The following MALT1 variants were observed in gnomAD, a reference collection of about 807,000 sequenced individuals.
MALT1 encodes MALT1 paracaspase, also known as mucosa-associated lymphoid tissue lymphoma translocation protein 1.
Under a neutral mutation model 85.5 loss-of-function variants are expected in MALT1, and 36 were observed. That is an observed-to-expected ratio of 0.42 (90% CI 0.32 to 0.56). The LOEUF is 0.56. MALT1 is among the 20% of genes least tolerant of loss of function. The probability of loss-of-function intolerance (pLI) is 0.10; values close to 1 mark genes in which losing one functional copy is unlikely to be tolerated. For missense variants in MALT1, 716 were observed against 981.6 expected (o/e 0.73, Z 3.62); for synonymous variants, 359 against 361.3 (o/e 0.99, Z 0.07).
chr18:58,742,579 GTGCCTGTAATCCCAAC>G (rs2055316021), intron 14 of MALT1, among the ~76,000 whole-genome samples: 1 of 152,162 alleles, frequency 6.6e-6, no homozygotes, highest in Admixed American at 6.5e-5. Flanking sequence ...GTGGTGGCAC[GTGCCTGTAATCCCAAC>G]TACTAGGGTG....
At chr18:58,705,289 CGT>C (rs59890170) in intron 4 of MALT1, among the ~76,000 whole-genome samples, 9,617 of 147,016 alleles carry the variant, frequency 0.065, 429 homozygotes, top group East Asian at 0.22. Context: ...TGTAAAAGTA[CGT>C]GTGTGTGTGT....
intron 9 of MALT1, among the ~76,000 whole-genome samples, chr18:58,718,793 G>A (rs527610655): frequency 6.6e-6 from 1 of 152,346 alleles, no homozygotes; most frequent in Admixed American, 6.5e-5. Flanking sequence ...GTTCATAGAA[G>A]ATGGTGATCA....
chr18:58,696,754 G>A (rs895686602), intron 3 of MALT1, among the ~76,000 whole-genome samples: 3 of 152,160 alleles, frequency 2.0e-5, no homozygotes, highest in Non-Finnish European at 2.9e-5. Flanking sequence ...CAGTGTTAGC[G>A]AGTATAAAAC....
intron 2 of MALT1, chr18:58,691,919 C>CT (rs1362100624): frequency 6.7e-6 from 1 of 150,226 alleles, no homozygotes; most frequent in African/African-American, 2.4e-5. Flanking sequence ...TGGCACGTGC[C>CT]TGTAATCCCA....
Position 58,683,976 on chromosome 18 carries a change from G to C in MALT1, c.376+2640G>C, listed in dbSNP as rs368472264. Among the ~76,000 whole-genome samples, 9 of 152,244 alleles carry C rather than the reference G, an allele frequency of 5.9e-5. No individual in the cohort carries two copies. The East Asian group carries it at 1.2e-3, about 20-fold the overall frequency. ...ATAAAGGGTCTTGCTCTGTCTCCCAGGCTGGAATGCAGTGATATGATCTCG... is the reference window on the plus strand; with the variant it reads ...ATAAAGGGTCTTGCTCTGTCTCCCACGCTGGAATGCAGTGATATGATCTCG... On this transcript the variant is annotated intron_variant, in intron 2 of 16. Coordinates refer to ENST00000649217, the MANE Select transcript of MALT1 (RefSeq NM_006785.4).
chr18:58,743,358 A>G (rs990668851), intron 14 of MALT1, among the ~76,000 whole-genome samples: 5 of 152,228 alleles, frequency 3.3e-5, no homozygotes, highest in Non-Finnish European at 5.9e-5. Flanking sequence ...CCTGGGCAAC[A>G]AGAGCAAAAC....
chr18:58,731,864 C>T (rs2055155615), intron 10 of MALT1, among the ~76,000 whole-genome samples: 1 of 152,172 alleles, frequency 6.6e-6, no homozygotes, highest in African/African-American at 2.4e-5. Context: ...TTGTTTCTCT[C>T]AGTGCCTACA....
In MALT1 at chr18:58,722,978, T is replaced by C. The variant is rs1602322874; in HGVS notation, c.1019-70T>C. ...TCTTAAAGCATACTTTTTATTATAATACCATCTCCATAGGTTTTGTTTTAA... is the reference window on the plus strand; with the variant it reads ...TCTTAAAGCATACTTTTTATTATAACACCATCTCCATAGGTTTTGTTTTAA... On this transcript the variant is annotated intron_variant, in intron 9 of 16. Coordinates refer to ENST00000649217, the MANE Select transcript of MALT1 (RefSeq NM_006785.4). The C allele has an allele frequency of 1.5e-5, 15 of 978,134 alleles. No individual in the cohort carries two copies. In the East Asian group the frequency reaches 3.7e-4, roughly 24 times the overall value. 60.6% of individuals were successfully genotyped at this position (978,134 alleles called of 1,614,324 possible).
intron 2 of MALT1, among the ~76,000 whole-genome samples, chr18:58,695,924 G>C (rs1568131394): frequency 6.6e-6 from 1 of 152,222 alleles, no homozygotes; most frequent in Non-Finnish European, 1.5e-5. Flanking sequence ...GTTACTAACA[G>C]TGCACGTAAC....
At chr18:58,714,693 A>C (rs1422032829) in intron 8 of MALT1, among the ~76,000 whole-genome samples, 1 of 152,222 alleles carries the variant, frequency 6.6e-6, no homozygotes, top group Non-Finnish European at 1.5e-5. Context: ...ATTTCTAATA[A>C]GTTAAGCCTT....
chr18:58,703,574 GGTGGC>G (rs1419883571), intron 4 of MALT1, among the ~76,000 whole-genome samples: 1 of 152,104 alleles, frequency 6.6e-6, no homozygotes, highest in African/African-American at 2.4e-5. Context: ...TGTCTTACAT[GGTGGC>G]AGGAGGGAGA....
chr18:58,677,087 G>A (rs2054251180), intron 1 of MALT1, among the ~76,000 whole-genome samples: 1 of 152,056 alleles, frequency 6.6e-6, no homozygotes. Flanking sequence ...CTACTTCAAA[G>A]CACACTCTTA....
At chr18:58,693,801 A>T (rs904936515) in intron 2 of MALT1, among the ~76,000 whole-genome samples, 12 of 152,246 alleles carry the variant, frequency 7.9e-5, no homozygotes, top group African/African-American at 2.4e-5. Flanking sequence ...TTTGGGACAT[A>T]TAAAATTGGT....
In MALT1 at chr18:58,747,450, T is replaced by C. The variant is rs148279337; in HGVS notation, c.2083T>C (p.Leu695=). The C allele has an allele frequency of 4.2e-5, 67 of 1,613,768 alleles. No individual in the cohort carries two copies. The highest frequency in any genetic ancestry group is 5.3e-5 in the African/African-American group (4 of 74,896). Residue 695 remains leucine (L), a synonymous_variant, in exon 17 of 17, where the codon TTG becomes CTG. Coordinates refer to ENST00000649217, the MANE Select transcript of MALT1 (RefSeq NM_006785.4). ...TVCLSYQYSG[L]EDTVEDKQEV... is the part of the protein sequence containing the mutation. Reference sequence around the variant, plus strand: ...ATGTTTATCATATCAGTACTCAGGATTGGAAGATACTGTAGAGGACAAGCA... The same window carrying C: ...ATGTTTATCATATCAGTACTCAGGACTGGAAGATACTGTAGAGGACAAGCA...
intron 10 of MALT1, among the ~76,000 whole-genome samples, chr18:58,730,250 T>A (rs759761530): frequency 4.6e-5 from 7 of 152,186 alleles, no homozygotes; most frequent in Non-Finnish European, 1.0e-4. Flanking sequence ...CACCACTACC[T>A]AACTTCAGAA....
At chr18:58,679,591 T>C (rs1419316362) in intron 1 of MALT1, among the ~76,000 whole-genome samples, 1 of 152,212 alleles carries the variant, frequency 6.6e-6, no homozygotes, top group Non-Finnish European at 1.5e-5. Flanking sequence ...TCTCGATCTG[T>C]CGCCCAAGCT....
intron 14 of MALT1, among the ~76,000 whole-genome samples, chr18:58,742,614 AAG>A (rs2055316588): frequency 6.6e-6 from 1 of 152,222 alleles, no homozygotes; most frequent in Non-Finnish European, 1.5e-5. Context: ...TGGCTGAGGC[AAG>A]AGAATCTCTT....
At chr18:58,727,605 A>G (rs2055076172) in intron 10 of MALT1, among the ~76,000 whole-genome samples, 1 of 132,468 alleles carries the variant, frequency 7.5e-6, no homozygotes, top group African/African-American at 3.3e-5. Flanking sequence ...AGCCTGCCAA[A>G]GGTTTTTTGT....
intron 15 of MALT1, 21 bp from the exon 16 acceptor site, chr18:58,745,645 C>T: frequency 6.3e-7 from 1 of 1,586,848 alleles, no homozygotes; most frequent in Non-Finnish European, 8.6e-7. Context: ...TATTAACAGT[C>T]CCTAATTTTT....
Sources: allele counts gnomAD v4.1 joint callset (sites outside exome capture counted in the v4.1 genomes callset), GRCh38; gene constraint gnomAD v4.1.1; transcripts MANE v1.5; gene names NCBI Gene and HGNC (gene_info 2026-07-23, HGNC 2026-07-21).